The following CNTNAP2 variants were observed in gnomAD, a reference collection of about 807,000 sequenced individuals.
The protein encoded by CNTNAP2 is contactin associated protein 2.
CNTNAP2 carries 98 observed loss-of-function variants against 155.2 expected under a neutral mutation model. The ratio of observed to expected loss-of-function variants is 0.63; its 90% CI spans 0.54 to 0.75. CNTNAP2 has a LOEUF of 0.75. Ranked by LOEUF, CNTNAP2 falls within the 30% of genes least tolerant of loss-of-function variation. The pLI is 0.00. For synonymous variants in CNTNAP2, 651 were observed against 631.2 expected, an observed-to-expected ratio of 1.03 and a Z score of -0.47; for missense variants, 1,727 against 1,688.1, an observed-to-expected ratio of 1.02 and a Z score of -0.40.
intron 4 of CNTNAP2, among the ~76,000 whole-genome samples, chr7:147,074,890 T>G (rs1799965942): frequency 6.6e-6 from 1 of 152,200 alleles, no homozygotes; most frequent in Non-Finnish European, 1.5e-5. Context: ...GCATATCTAA[T>G]GGTGTTTTGC....
At chr7:146,170,802 C>T (rs1009405955) in intron 1 of CNTNAP2, among the ~76,000 whole-genome samples, 21 of 151,938 alleles carry the variant, frequency 1.4e-4, no homozygotes, top group South Asian at 1.0e-3. Context: ...CCGAGGCAGG[C>T]GGATCACGAG....
chr7:146,423,905 G>A (rs951094006), intron 1 of CNTNAP2, among the ~76,000 whole-genome samples: 1 of 152,172 alleles, frequency 6.6e-6, no homozygotes, highest in East Asian at 1.9e-4. Flanking sequence ...AATGTATCAC[G>A]TTACTCAATT....
chr7:148,247,615 C>A lies in CNTNAP2; in HGVS notation c.3381+17836C>A, dbSNP rs1563010429. Among the ~76,000 whole-genome samples the A allele has an allele frequency of 6.1e-5, 9 of 146,862 alleles. No individual in the cohort carries two copies. In the East Asian group the frequency reaches 1.4e-3, roughly 22 times the overall value. ...TCCCATTCTCTCTCTCTCTCTCTCT[C>A]TCTCTCTCTCTATTTATTTATTTAT... On this transcript the variant is annotated intron_variant, in intron 20 of 23. Transcript: ENST00000361727.
At chr7:148,294,203 G>A (rs187951256) in intron 21 of CNTNAP2, among the ~76,000 whole-genome samples, 102 of 152,152 alleles carry the variant, frequency 6.7e-4, no homozygotes, top group African/African-American at 2.4e-3. Context: ...TCCATTCTCA[G>A]AAGGCACGCT....
chr7:148,263,736 C>CAA (rs112362809), intron 20 of CNTNAP2, among the ~76,000 whole-genome samples: 9,215 of 108,130 alleles, frequency 0.085, 502 homozygotes, highest in African/African-American at 0.17. Flanking sequence ...GACTCAGTCC[C>CAA]AAAAAAAAAA....
chr7:146,442,473 TGTGA>T (rs1476358339), intron 1 of CNTNAP2, among the ~76,000 whole-genome samples: 2 of 152,110 alleles, frequency 1.3e-5, no homozygotes, highest in East Asian at 1.9e-4. Flanking sequence ...TGTGTGTATG[TGTGA>T]GTGTGTGTGA....
chr7:146,588,477 CAA>C (rs1318528313), intron 1 of CNTNAP2, among the ~76,000 whole-genome samples: 1 of 151,024 alleles, frequency 6.6e-6, no homozygotes, highest in Non-Finnish European at 1.5e-5. Flanking sequence ...TTAAACAAAA[CAA>C]AATATACCAC....
chr7:146,545,013 C>G (rs913155629), intron 1 of CNTNAP2, among the ~76,000 whole-genome samples: 1 of 151,824 alleles, frequency 6.6e-6, no homozygotes, highest in Non-Finnish European at 1.5e-5. Flanking sequence ...GGTGTTTAGG[C>G]AGGGGAAATC....
intron 11 of CNTNAP2, among the ~76,000 whole-genome samples, chr7:147,520,463 G>A (rs575313853): frequency 1.0e-3 from 158 of 152,264 alleles, no homozygotes; most frequent in African/African-American, 3.3e-3. Flanking sequence ...ACTGGTTATC[G>A]CTGAGGTTAG....
At chr7:146,522,590 G>A (rs1427907209) in intron 1 of CNTNAP2, among the ~76,000 whole-genome samples, 1 of 151,772 alleles carries the variant, frequency 6.6e-6, no homozygotes, top group East Asian at 1.9e-4. Flanking sequence ...CTGAGGTAAA[G>A]GCCATGATGA....
chr7:147,931,879 T>C (rs1274758908), intron 14 of CNTNAP2, among the ~76,000 whole-genome samples: 1 of 152,000 alleles, frequency 6.6e-6, no homozygotes, highest in Non-Finnish European at 1.5e-5. Flanking sequence ...CTTTATTTTA[T>C]TTTATTTATT....
intron 9 of CNTNAP2, among the ~76,000 whole-genome samples, chr7:147,367,382 A>C (rs761083992): frequency 1.2e-4 from 19 of 152,204 alleles, no homozygotes; most frequent in South Asian, 4.1e-4. Flanking sequence ...CTAGTGTCAC[A>C]GCAGGGTAAA....
chr7:147,483,328 A>G (rs1798456577), intron 10 of CNTNAP2, among the ~76,000 whole-genome samples: 1 of 152,082 alleles, frequency 6.6e-6, no homozygotes, highest in African/African-American at 2.4e-5. Context: ...TATAACAGGG[A>G]CTTGAAAATG....
At chr7:147,494,764 C>A (rs4725740) in intron 11 of CNTNAP2, among the ~76,000 whole-genome samples, 3 of 151,580 alleles carry the variant, frequency 2.0e-5, no homozygotes, top group African/African-American at 7.3e-5. Flanking sequence ...AGATAAGGAA[C>A]GGAGCTTCAG....
chr7:146,938,058 C>T (rs1796960881), intron 3 of CNTNAP2, among the ~76,000 whole-genome samples: 1 of 152,060 alleles, frequency 6.6e-6, no homozygotes, highest in Non-Finnish European at 1.5e-5. Flanking sequence ...ACCATCTGGT[C>T]TGAGTTAGGT....
chr7:147,373,416 G>A (rs1029425476), intron 9 of CNTNAP2, among the ~76,000 whole-genome samples: 1 of 151,864 alleles, frequency 6.6e-6, no homozygotes, highest in African/African-American at 2.4e-5. Context: ...TTTTAGGTAG[G>A]TGCACAAATA....
intron 1 of CNTNAP2, among the ~76,000 whole-genome samples, chr7:146,155,748 G>A (rs1421860445): frequency 6.6e-6 from 1 of 151,586 alleles, no homozygotes; most frequent in East Asian, 1.9e-4. Flanking sequence ...CGCCCAGGCT[G>A]AAGTGCAATG....
At chr7:146,645,128 A>T (rs1799789128) in intron 1 of CNTNAP2, among the ~76,000 whole-genome samples, 3 of 152,332 alleles carry the variant, frequency 2.0e-5, no homozygotes, top group African/African-American at 7.2e-5. Flanking sequence ...TGAAGGATGC[A>T]CTGATATGTA....
chr7:147,883,634 A>G (rs2538986), intron 13 of CNTNAP2, among the ~76,000 whole-genome samples: 80,605 of 152,006 alleles, frequency 0.53, 21,504 homozygotes, highest in East Asian at 0.61. Flanking sequence ...TAGGTGTGAT[A>G]AAGTTGCCTC....
Sources: gnomAD v4.1 joint callset for allele counts (sites outside exome capture counted in the v4.1 genomes callset) on GRCh38, gnomAD v4.1.1 for gene constraint, MANE v1.5 for transcripts, NCBI Gene and HGNC (gene_info 2026-07-23, HGNC 2026-07-21) for gene names.